The following NAA11 variants were observed in gnomAD, a reference collection of about 807,000 sequenced individuals.
The protein encoded by NAA11 is N-alpha-acetyltransferase 11.
NAA11 carries 15 observed loss-of-function variants against 16.1 expected under a neutral mutation model. The observed-to-expected ratio is 0.93, with a 90% confidence interval of 0.62 to 1.44. NAA11 has a LOEUF of 1.44. NAA11 is among the 40% of genes most tolerant of loss of function. The probability of loss-of-function intolerance (pLI) is 0.00; values close to 1 mark genes in which losing one functional copy is unlikely to be tolerated. For missense variants in NAA11, 298 were observed against 291.3 expected, an observed-to-expected ratio of 1.02 and a Z score of -0.17; for synonymous variants, 122 against 112.4, an observed-to-expected ratio of 1.09 and a Z score of -0.54.
At chr4:79,180,847 T>C in the NAA11 span, among the ~76,000 whole-genome samples, 1 of 152,130 alleles carries the variant, frequency 6.6e-6, no homozygotes, top group Non-Finnish European at 1.5e-5. Context: ...CCGTCAATGA[T>C]AGACTGGATT....
downstream of NAA11, among the ~76,000 whole-genome samples, chr4:79,314,097 T>C (rs1281204534): frequency 3.9e-5 from 6 of 152,160 alleles, no homozygotes; most frequent in Non-Finnish European, 8.8e-5. Flanking sequence ...AAAAATAACA[T>C]ACATGATCTC....
intron 1 of NAA11, among the ~76,000 whole-genome samples, chr4:79,309,714 C>CTTTTTTTTTTTTTT (rs71662804): frequency 2.5e-5 from 2 of 81,422 alleles, no homozygotes; most frequent in Non-Finnish European, 4.4e-5. Flanking sequence ...TTTTTTTTTT[C>CTTTTTTTTTTTTTT]TTTTTTTTTT....
At chr4:79,291,957 G>C (rs1333360730) in intron 2 of NAA11, among the ~76,000 whole-genome samples, 1 of 152,110 alleles carries the variant, frequency 6.6e-6, no homozygotes, top group African/African-American at 2.4e-5. Flanking sequence ...ACTGTAATTT[G>C]ATTGTGCAAT....
At chr4:79,187,535 A>G in the NAA11 span, among the ~76,000 whole-genome samples, 1 of 152,248 alleles carries the variant, frequency 6.6e-6, no homozygotes, top group Non-Finnish European at 1.5e-5. Context: ...GGTATAAAAC[A>G]TTAACAATTT....
At chr4:79,167,868 TTTTA>T in the NAA11 span, among the ~76,000 whole-genome samples, 2 of 151,988 alleles carry the variant, frequency 1.3e-5, no homozygotes, top group Non-Finnish European at 2.9e-5. Context: ...ACTCTTTAAA[TTTTA>T]TTTATTTATT....
intron 2 of NAA11, among the ~76,000 whole-genome samples, chr4:79,231,101 G>A (rs753081596): frequency 2.0e-5 from 3 of 151,978 alleles, no homozygotes; most frequent in Non-Finnish European, 4.4e-5. Flanking sequence ...CCAGAAATGT[G>A]TTTCAACAGA....
chr4:79,257,514 G>A (rs1162358617), intron 2 of NAA11, among the ~76,000 whole-genome samples: 2 of 151,860 alleles, frequency 1.3e-5, no homozygotes, highest in African/African-American at 4.8e-5. Flanking sequence ...ATCTGTAAGA[G>A]GATTCTCTTT....
the NAA11 span, among the ~76,000 whole-genome samples, chr4:79,192,831 T>G: frequency 6.6e-6 from 1 of 150,624 alleles, no homozygotes; most frequent in Non-Finnish European, 1.5e-5. Context: ...TGAACTAGTT[T>G]ACAGTCCCAC....
At chr4:79,197,387 G>T in the NAA11 span, among the ~76,000 whole-genome samples, 1 of 151,928 alleles carries the variant, frequency 6.6e-6, no homozygotes, top group Non-Finnish European at 1.5e-5. Context: ...ATGCCTCAGT[G>T]TTTTCAGTCT....
At chr4:79,235,827 G>T (rs1290939211) in intron 2 of NAA11, among the ~76,000 whole-genome samples, 1 of 151,780 alleles carries the variant, frequency 6.6e-6, no homozygotes, top group Non-Finnish European at 1.5e-5. Context: ...TTGTCTCCAG[G>T]TTCATCCAAC....
chr4:79,181,045 A>C, the NAA11 span, among the ~76,000 whole-genome samples: 1 of 152,008 alleles, frequency 6.6e-6, no homozygotes, highest in Non-Finnish European at 1.5e-5. Flanking sequence ...ACACTTGGCC[A>C]CAGGAAGGGG....
At position 79,317,527 on chromosome 4, in the gene NAA11, T is replaced by A. The variant is rs931542802; in HGVS notation, c.*277A>T. 2 of 152,134 alleles carry A rather than the reference T, an allele frequency of 1.3e-5. No individual in the cohort carries two copies. The highest frequency in any genetic ancestry group is 4.8e-5 in the African/African-American group (2 of 41,422). 9.4% of individuals were successfully genotyped at this position (152,134 alleles called of 1,614,324 possible). On this transcript the variant is annotated 3_prime_UTR_variant, in exon 2 of 2. Transcript: ENST00000286794. ...CAACAGAGGACTACTACAAACAGAA[T>A]AAAATGGCAGCGTAGTGTGAGTAGG...
chr4:79,195,283 T>G, the NAA11 span, among the ~76,000 whole-genome samples: 1 of 152,128 alleles, frequency 6.6e-6, no homozygotes, highest in Admixed American at 6.6e-5. Context: ...AAATGCTCAC[T>G]TAGCATGGGG....
chr4:79,258,340 G>C (rs190189304), intron 2 of NAA11, among the ~76,000 whole-genome samples: 1 of 152,250 alleles, frequency 6.6e-6, no homozygotes, highest in Admixed American at 6.5e-5. Flanking sequence ...TGCACTTTGC[G>C]GGGGCTGGGA....
At chr4:79,160,269 G>C in the NAA11 span, among the ~76,000 whole-genome samples, 1 of 152,192 alleles carries the variant, frequency 6.6e-6, no homozygotes, top group Non-Finnish European at 1.5e-5. Flanking sequence ...TGGGATTACA[G>C]GCATGAGCCA....
At chr4:79,231,930 G>A (rs920809663) in intron 2 of NAA11, among the ~76,000 whole-genome samples, 1 of 151,372 alleles carries the variant, frequency 6.6e-6, no homozygotes, top group African/African-American at 2.4e-5. Context: ...ACATATATAT[G>A]AAATAATATA....
chr4:79,259,402 CATGCTGGCACCT>C (rs1233765583), intron 2 of NAA11, among the ~76,000 whole-genome samples: 2 of 152,212 alleles, frequency 1.3e-5, no homozygotes, highest in East Asian at 3.9e-4. Flanking sequence ...AGCTGGCACC[CATGCTGGCACCT>C]AGAGCTGCAT....
At chr4:79,297,583 G>A (rs1247195346) in intron 1 of NAA11, among the ~76,000 whole-genome samples, 1 of 152,216 alleles carries the variant, frequency 6.6e-6, no homozygotes, top group African/African-American at 2.4e-5. Context: ...CTCAGAGCAG[G>A]GTTGGGGCCA....
the NAA11 span, among the ~76,000 whole-genome samples, chr4:79,210,082 T>C: frequency 6.6e-6 from 1 of 152,066 alleles, no homozygotes; most frequent in African/African-American, 2.4e-5. Context: ...TATGCATGTG[T>C]CTAATTGAAG....
Sources: allele counts gnomAD v4.1 joint callset (sites outside exome capture counted in the v4.1 genomes callset), GRCh38; gene constraint gnomAD v4.1.1; transcripts MANE v1.5; gene names NCBI Gene and HGNC (gene_info 2026-07-23, HGNC 2026-07-21).